Variants in RIN2 observed in about 807,000 individuals in gnomAD.
RIN2 encodes the protein Ras and Rab interactor 2, also known as RAB5 interacting protein 2.
A neutral mutation model predicts 78.0 loss-of-function variants in RIN2; 36 were observed. The observed-to-expected ratio is 0.46, with a 90% CI of 0.35 to 0.61. RIN2 has a LOEUF of 0.61. Among genes scored for constraint, RIN2 ranks in the 20% least tolerant of loss-of-function variants. RIN2 has a pLI of 0.00. For synonymous variants in RIN2, 466 were observed against 466.8 expected (o/e 1.00, Z 0.02); for missense variants, 1,087 against 1,159.7 (o/e 0.94, Z 0.91).
intron 3 of RIN2, among the ~76,000 whole-genome samples, chr20:19,931,375 A>G (rs945266691): frequency 6.6e-6 from 1 of 152,172 alleles, no homozygotes; most frequent in African/African-American, 2.4e-5. Flanking sequence ...TCCTGGCCTC[A>G]AGCAGTTCTC....
chr20:19,975,214 G>C lies in RIN2; in HGVS notation c.1189G>C (p.Gly397Arg). 6.3e-7 allele frequency: 1 copy of C among 1,593,722 alleles called. No homozygotes were observed. Among genetic ancestry groups the C allele is most frequent in the South Asian group, 1.1e-5 (1 of 89,350 alleles). Reference protein sequence around the residue: ...ELELGTAGSPGGAPPEAAPGD... With the variant: ...ELELGTAGSPRGAPPEAAPGD... ...GGAGCTGGGCACAGCTGGCAGCCCA[G>C]GTGGGGCCCCGCCTGAGGCCGCCCC... is the stretch of plus-strand genomic sequence containing the variant. Residue 397 changes from glycine to arginine, a missense_variant, in exon 9 of 13, where the codon GGT (glycine) becomes CGT (arginine). Physicochemically the swap from Gly to Arg is moderately radical, Grantham distance 125. This residue lies in a region of RIN2 where 706 missense variants were observed against 667.5 expected (regional missense o/e 1.06). Coordinates refer to ENST00000255006, the MANE Select transcript of RIN2 (RefSeq NM_018993.4). The surrounding 1 kb of genome is among the most constrained non-coding windows in gnomAD (Gnocchi z 4.9).
At chr20:19,904,746 G>A (rs6136880) in intron 3 of RIN2, among the ~76,000 whole-genome samples, 73,632 of 151,918 alleles carry the variant, frequency 0.48, 18,054 homozygotes, top group African/African-American at 0.51. Flanking sequence ...GTATGAGGAG[G>A]GGAGTGCCAC....
intron 2 of RIN2, among the ~76,000 whole-genome samples, chr20:19,853,972 G>T (rs1461121101): frequency 6.6e-6 from 1 of 152,160 alleles, no homozygotes; most frequent in Non-Finnish European, 1.5e-5. Context: ...TGTCCTGAAT[G>T]GTATTGCCTA....
intron 1 of RIN2, among the ~76,000 whole-genome samples, chr20:19,768,198 G>A (rs1208308409): frequency 1.3e-5 from 2 of 152,240 alleles, no homozygotes; most frequent in Non-Finnish European, 2.9e-5. Flanking sequence ...TATAACAGGA[G>A]ATGAGGGAAG....
intron 12 of RIN2, 143 bp downstream of exon 12, chr20:19,996,985 T>C: frequency 2.4e-6 from 2 of 827,490 alleles, no homozygotes; most frequent in Non-Finnish European, 3.7e-6. Flanking sequence ...CTGGCCTTGT[T>C]ACACTGATCT....
intron 3 of RIN2, among the ~76,000 whole-genome samples, chr20:19,893,602 A>G (rs2038582751): frequency 6.6e-6 from 1 of 152,190 alleles, no homozygotes; most frequent in Non-Finnish European, 1.5e-5. Context: ...TGGATAACAC[A>G]CAGATTATCT....
chr20:19,785,981 T>C (rs2034664118), intron 1 of RIN2, among the ~76,000 whole-genome samples: 1 of 152,238 alleles, frequency 6.6e-6, no homozygotes, highest in African/African-American at 2.4e-5. Context: ...TTAGAAATGC[T>C]TCGCCTTGGT....
At chr20:19,790,640 A>G (rs1453330761) in intron 1 of RIN2, among the ~76,000 whole-genome samples, 1 of 152,178 alleles carries the variant, frequency 6.6e-6, no homozygotes. Context: ...AAAAAAATTA[A>G]TAAAAATAGA....
At chr20:19,868,777 G>C (rs1368313809) in intron 2 of RIN2, among the ~76,000 whole-genome samples, 1 of 152,100 alleles carries the variant, frequency 6.6e-6, no homozygotes, top group Non-Finnish European at 1.5e-5. Context: ...CCTAAGTCTT[G>C]AGGGATAAAA....
chr20:19,901,838 G>A (rs1403679840), intron 3 of RIN2, among the ~76,000 whole-genome samples: 1 of 151,940 alleles, frequency 6.6e-6, no homozygotes, highest in Admixed American at 6.6e-5. Context: ...CCAACATGGT[G>A]AAACCCCGTC....
intron 2 of RIN2, among the ~76,000 whole-genome samples, chr20:19,864,388 G>A (rs1013814477): frequency 6.6e-6 from 1 of 152,104 alleles, no homozygotes; most frequent in Non-Finnish European, 1.5e-5. Context: ...ACCAGACCTG[G>A]TTACATTTAG....
At chr20:19,813,173 A>C (rs533976382) in intron 2 of RIN2, among the ~76,000 whole-genome samples, 1 of 152,228 alleles carries the variant, frequency 6.6e-6, no homozygotes, top group Non-Finnish European at 1.5e-5. Flanking sequence ...CCTTGCCCCC[A>C]GATCACTACT....
intron 2 of RIN2, among the ~76,000 whole-genome samples, chr20:19,839,875 A>T (rs1483550657): frequency 6.6e-6 from 1 of 152,246 alleles, no homozygotes; most frequent in African/African-American, 2.4e-5. Flanking sequence ...TCTTTAAATC[A>T]AAAGTGCTTC....
chr20:19,929,621 G>A (rs924225518), intron 3 of RIN2, among the ~76,000 whole-genome samples: 8 of 152,058 alleles, frequency 5.3e-5, no homozygotes, highest in Admixed American at 5.2e-4. Context: ...CTCAGCCTCC[G>A]GAAGTGCTGG....
intron 3 of RIN2, among the ~76,000 whole-genome samples, chr20:19,896,524 G>A (rs1475860673): frequency 6.6e-6 from 1 of 152,226 alleles, no homozygotes; most frequent in Non-Finnish European, 1.5e-5. Context: ...CCCCTGGACT[G>A]TGAGTAGACG....
At chr20:19,972,589 G>A (rs966407579) in intron 8 of RIN2, among the ~76,000 whole-genome samples, 1 of 152,132 alleles carries the variant, frequency 6.6e-6, no homozygotes, top group Non-Finnish European at 1.5e-5. Context: ...AATATTCCTC[G>A]AGGGTCTGCT....
At position 19,912,518 on chromosome 20, in the gene RIN2, G is replaced by A. The variant is rs138503623; in HGVS notation, c.58-22581G>A. ...TTTGAGATGAAGTCTCACTCCCATC[G>A]CCCAGGCTGGAGTGCCATGCTGCGA... On this transcript the variant is annotated intron_variant, in intron 3 of 12. Transcript: ENST00000255006. Among the ~76,000 whole-genome samples the A allele has an allele frequency of 1.5e-3, 179 of 120,088 alleles. 3 individuals carry two copies. The East Asian group carries it at 0.041, about 27-fold the overall frequency. 78.8% of individuals were successfully genotyped at this position (120,088 alleles called of 152,430 possible).
intron 3 of RIN2, among the ~76,000 whole-genome samples, chr20:19,914,169 G>A (rs1429245961): frequency 6.6e-6 from 1 of 152,132 alleles, no homozygotes; most frequent in Non-Finnish European, 1.5e-5. Context: ...CTAGTTGTCA[G>A]GGTTACTACT....
intron 4 of RIN2, among the ~76,000 whole-genome samples, chr20:19,945,913 C>T (rs1225769543): frequency 2.6e-5 from 4 of 152,128 alleles, no homozygotes; most frequent in Admixed American, 1.3e-4. Context: ...TGATTTTTGC[C>T]GCCCATTTCC....
Sources: gnomAD v4.1 joint callset for allele counts (sites outside exome capture counted in the v4.1 genomes callset) on GRCh38, gnomAD v4.1.1 for gene constraint, gnomAD v4.1.1 regional missense constraint, Gnocchi (gnomAD v3.1) non-coding constraint, MANE v1.5 for transcripts, NCBI Gene and HGNC (gene_info 2026-07-23, HGNC 2026-07-21) for gene names.